SLC18A1: variants seen among roughly 807,000 people sequenced by gnomAD.
SLC18A1 encodes chromaffin granule amine transporter.
A neutral mutation model predicts 53.7 loss-of-function variants in SLC18A1; 69 were observed. The observed-to-expected ratio is 1.28, with a 90% CI of 1.06 to 1.57. SLC18A1 has a LOEUF of 1.57. Ranked by LOEUF, SLC18A1 falls within the 40% of genes most tolerant of loss-of-function variation. The pLI is 0.00. For missense variants in SLC18A1, 932 were observed against 668.1 expected (o/e 1.40, Z -4.35); for synonymous variants, 320 against 248.1 (o/e 1.29, Z -2.72).
rs2071426786 is a variant in SLC18A1 at position 20,147,334 on chromosome 8, A to ATGACCATG, written c.1380_1387dup (p.Ile463ThrfsTer32). The ATGACCATG allele has an allele frequency of 6.2e-7, 1 of 1,613,646 alleles. No individual in the cohort carries two copies. Among genetic ancestry groups the ATGACCATG allele is most frequent in the Non-Finnish European group, 8.5e-7 (1 of 1,179,968 alleles). On this transcript the variant is annotated frameshift_variant, in exon 15 of 16. Coordinates refer to ENST00000276373, the MANE Select transcript of SLC18A1 (RefSeq NM_003053.4). LOFTEE classifies it high-confidence loss of function. The stretch of plus-strand genomic sequence containing the variant: ...ATAGACGATGTTGATGACCCCAGTG[A>ATGACCATG]TGACCATGAGCCAGGGAAAACCGAT...
chr8:20,150,959 G>A (rs1212934999), intron 10 of SLC18A1: 3 of 548,434 alleles, frequency 5.5e-6, no homozygotes, highest in Middle Eastern at 3.9e-4. Flanking sequence ...TTTAGCCTCA[G>A]TACTTTTCTT....
intron 10 of SLC18A1, among the ~76,000 whole-genome samples, chr8:20,163,329 G>A (rs906912101): frequency 6.6e-6 from 1 of 152,060 alleles, no homozygotes; most frequent in Non-Finnish European, 1.5e-5. Flanking sequence ...TGTTGCACTG[G>A]GGATTCAATT....
At chr8:20,171,360 C>G (rs1380627651) in intron 7 of SLC18A1, 45 bp downstream of exon 7, 7 of 1,545,272 alleles carry the variant, frequency 4.5e-6, no homozygotes, top group East Asian at 2.2e-5. Context: ...GCATTCCCAA[C>G]CTGACCTGGG....
Position 20,178,499 on chromosome 8 carries a change from A to G in SLC18A1, c.489-6T>C. 2 of 1,582,882 alleles carry G rather than the reference A, an allele frequency of 1.3e-6. No homozygotes were observed. The highest frequency in any genetic ancestry group is 1.7e-6 in the Non-Finnish European group (2 of 1,160,920). On this transcript the variant is annotated splice_region_variant and splice_polypyrimidine_tract_variant and intron_variant, in intron 3 of 15. Transcript: ENST00000276373. ...TGGGGATATGATATCCAATCCTAAA[A>G]GGGAATTGAAAAAAAAAAAGATACA...
rs2071523556 is a variant in SLC18A1 at position 20,150,514 on chromosome 8, C to T, written c.1094+152G>A. On this transcript the variant is annotated intron_variant, in intron 11 of 15. Coordinates refer to ENST00000276373, the MANE Select transcript of SLC18A1 (RefSeq NM_003053.4). The stretch of plus-strand genomic sequence containing the variant: ...CTCCATACCACCCTCACCACTCACT[C>T]ACTGCCCATCCTCCCAGTGGGAAGT... The T allele has an allele frequency of 2.8e-6, 2 of 722,460 alleles. 1 individual carries two copies. Among genetic ancestry groups the T allele is most frequent in the South Asian group, 3.2e-5 (2 of 62,184 alleles). The allele number at this position is 722,460 out of a possible 1,614,324, so 44.8% of individuals were successfully genotyped here.
intron 10 of SLC18A1, among the ~76,000 whole-genome samples, chr8:20,158,452 G>C (rs2071735822): frequency 6.6e-6 from 1 of 152,154 alleles, no homozygotes; most frequent in African/African-American, 2.4e-5. Context: ...CTTGAGGAGG[G>C]AATTAATCCT....
At chr8:20,177,614 T>G (rs1360598375) in intron 4 of SLC18A1, among the ~76,000 whole-genome samples, 1 of 152,160 alleles carries the variant, frequency 6.6e-6, no homozygotes, top group African/African-American at 2.4e-5. Flanking sequence ...GTTGTGCACG[T>G]GTACCCTAGA....
At chr8:20,150,434 C>T (rs1353664588) in intron 11 of SLC18A1, among the ~76,000 whole-genome samples, 1 of 152,220 alleles carries the variant, frequency 6.6e-6, no homozygotes, top group Admixed American at 6.5e-5. Context: ...GGGTGCCCCT[C>T]ATGTATCCAC....
At chr8:20,171,244 T>C in intron 7 of SLC18A1, 98 bp from the exon 8 acceptor site, 1 of 1,411,264 alleles carries the variant, frequency 7.1e-7, no homozygotes. Context: ...TGCATAAATT[T>C]AACTCCCTGA....
intron 3 of SLC18A1, among the ~76,000 whole-genome samples, chr8:20,178,762 A>G (rs1040537773): frequency 6.6e-6 from 1 of 152,130 alleles, no homozygotes; most frequent in African/African-American, 2.4e-5. Flanking sequence ...AAAATATCAG[A>G]ATAATCGTCA....
intron 10 of SLC18A1, among the ~76,000 whole-genome samples, chr8:20,163,408 C>G (rs564524280): frequency 6.6e-6 from 1 of 152,060 alleles, no homozygotes; most frequent in Non-Finnish European, 1.5e-5. Context: ...ATAACTTATC[C>G]GAGGTCACAA....
intron 10 of SLC18A1, among the ~76,000 whole-genome samples, chr8:20,153,248 G>T (rs1458452607): frequency 6.6e-6 from 1 of 152,138 alleles, no homozygotes; most frequent in Non-Finnish European, 1.5e-5. Context: ...CCATGGCTCA[G>T]TTACAGACAA....
intron 4 of SLC18A1, among the ~76,000 whole-genome samples, chr8:20,176,167 A>G (rs2072246387): frequency 1.3e-5 from 2 of 152,146 alleles, no homozygotes; most frequent in African/African-American, 4.8e-5. Flanking sequence ...AGGATCCCTC[A>G]TGAATACTTT....
chr8:20,169,327 T>C (rs2072052020), intron 8 of SLC18A1, among the ~76,000 whole-genome samples: 1 of 151,964 alleles, frequency 6.6e-6, no homozygotes, highest in Non-Finnish European at 1.5e-5. Context: ...GGCTTTGCAT[T>C]AGAGAAAAAA....
chr8:20,147,120 T>C (rs1184174901), intron 15 of SLC18A1, 138 bp downstream of exon 15: 3 of 877,294 alleles, frequency 3.4e-6, no homozygotes, highest in South Asian at 2.2e-5. Context: ...TGAAAGGGGA[T>C]TGGGAAACAT....
At chr8:20,176,492 A>G (rs1282312595) in intron 4 of SLC18A1, among the ~76,000 whole-genome samples, 1 of 152,174 alleles carries the variant, frequency 6.6e-6, no homozygotes, top group Non-Finnish European at 1.5e-5. Flanking sequence ...TTCTAGGCAA[A>G]CCAGGAGAGT....
chr8:20,178,027 G>T (rs568788378), intron 4 of SLC18A1, among the ~76,000 whole-genome samples: 1 of 151,896 alleles, frequency 6.6e-6, no homozygotes, highest in East Asian at 1.9e-4. Flanking sequence ...TTTTTTGTGA[G>T]TTGCCCTTTT....
chr8:20,156,881 G>C (rs1214621457), intron 10 of SLC18A1, among the ~76,000 whole-genome samples: 1 of 152,206 alleles, frequency 6.6e-6, no homozygotes, highest in Non-Finnish European at 1.5e-5. Context: ...TTGTTTATGG[G>C]AATGCATCTT....
At chr8:20,182,739 G>C (rs148995165) in intron 1 of SLC18A1, among the ~76,000 whole-genome samples, 1 of 152,124 alleles carries the variant, frequency 6.6e-6, no homozygotes, top group South Asian at 2.1e-4. Flanking sequence ...CAAATTCTCA[G>C]TTAAGTTTTA....
Sources: gnomAD v4.1 joint callset for allele counts (sites outside exome capture counted in the v4.1 genomes callset) on GRCh38, gnomAD v4.1.1 for gene constraint, MANE v1.5 for transcripts, NCBI Gene and HGNC (gene_info 2026-07-23, HGNC 2026-07-21) for gene names.